SDK1: variants seen among roughly 807,000 people sequenced by gnomAD.
The protein encoded by SDK1 is sidekick cell adhesion molecule 1, also known as protein sidekick-1.
Under a neutral mutation model 245.5 loss-of-function variants are expected in SDK1, and 157 were observed. That is an observed-to-expected ratio of 0.64 (90% CI 0.56 to 0.73). The LOEUF (loss-of-function observed/expected upper bound fraction) is 0.73. Ranked by LOEUF, SDK1 falls within the 30% of genes least tolerant of loss-of-function variation. The pLI is 0.00. For synonymous variants in SDK1, 1,647 were observed against 1,278.5 expected (o/e 1.29, Z -6.15); for missense variants, 3,583 against 3,002.3 (o/e 1.19, Z -4.52).
chr7:4,132,357 G>A lies in SDK1; in HGVS notation c.4162G>A (p.Glu1388Lys), dbSNP rs746810705. The change falls in exon 28 of 45, where the codon GAA (glutamate) becomes AAA (lysine). Residue 1388 changes from glutamate to lysine, a missense_variant. Glu to Lys is a moderately conservative substitution (Grantham distance 56). Coordinates refer to ENST00000404826, the MANE Select transcript of SDK1 (RefSeq NM_152744.4). ...PGPPVRLVFP[E>K]VRLTSVRIVW... ...CCCACCAGTGAGGCTCGTGTTCCCC[G>A]AAGTGAGACTCACCTCCGTGCGGAT... 3.5e-5 allele frequency: 57 copies of A among 1,612,516 alleles called. No homozygotes were observed. Among genetic ancestry groups the A allele is most frequent in the Middle Eastern group, 1.6e-4 (1 of 6,078 alleles).
intron 14 of SDK1, among the ~76,000 whole-genome samples, chr7:4,004,069 T>G (rs1785277504): frequency 6.6e-6 from 1 of 152,252 alleles, no homozygotes; most frequent in Admixed American, 6.5e-5. Context: ...GAAGATCATT[T>G]TATCCCCCTC....
intron 14 of SDK1, 138 bp downstream of exon 14, chr7:3,987,460 C>T (rs1274804480): frequency 1.1e-6 from 1 of 890,018 alleles, no homozygotes; most frequent in Non-Finnish European, 1.7e-6. Flanking sequence ...GTTTCAAACA[C>T]AGCCTGCCCT....
chr7:3,698,477 A>G (rs1784639196), intron 4 of SDK1, among the ~76,000 whole-genome samples: 1 of 152,122 alleles, frequency 6.6e-6, no homozygotes. Flanking sequence ...GGATTTTCCC[A>G]TCTTCTCAGT....
At chr7:3,773,396 G>A (rs78221214) in intron 4 of SDK1, among the ~76,000 whole-genome samples, 4,166 of 150,724 alleles carry the variant, frequency 0.028, 192 homozygotes, top group African/African-American at 0.098. Context: ...TTCTTTTTTG[G>A]TTTTCTGTCT....
At chr7:4,242,120 C>G (rs1583159756) in intron 43 of SDK1, among the ~76,000 whole-genome samples, 1 of 152,166 alleles carries the variant, frequency 6.6e-6, no homozygotes, top group African/African-American at 2.4e-5. Context: ...GAAATATTTT[C>G]AGGACATCTC....
intron 35 of SDK1, among the ~76,000 whole-genome samples, chr7:4,201,247 T>G (rs1011350451): frequency 6.6e-6 from 1 of 152,184 alleles, no homozygotes; most frequent in South Asian, 2.1e-4. Flanking sequence ...ACCTCCTGAT[T>G]CATTGAGAAG....
At chr7:3,803,397 A>G (rs1779160961) in intron 4 of SDK1, among the ~76,000 whole-genome samples, 1 of 149,366 alleles carries the variant, frequency 6.7e-6, no homozygotes, top group Non-Finnish European at 1.5e-5. Flanking sequence ...TGCAACCTCC[A>G]CCTCTGAAAT....
At chr7:3,538,924 C>T (rs1468705823) in intron 1 of SDK1, among the ~76,000 whole-genome samples, 3 of 152,250 alleles carry the variant, frequency 2.0e-5, no homozygotes, top group Non-Finnish European at 2.9e-5. Context: ...ACGGAATCTT[C>T]TTGAAAGTTT....
At chr7:4,076,028 C>T (rs1780655371) in intron 20 of SDK1, among the ~76,000 whole-genome samples, 1 of 151,978 alleles carries the variant, frequency 6.6e-6, no homozygotes, top group Admixed American at 6.6e-5. Context: ...CCCCACTGGC[C>T]TGAAGAGAGT....
chr7:3,354,685 T>G (rs1425306296), intron 1 of SDK1, among the ~76,000 whole-genome samples: 2 of 152,240 alleles, frequency 1.3e-5, no homozygotes, highest in African/African-American at 4.8e-5. Flanking sequence ...AATATTGACT[T>G]TATAGGTCTT....
chr7:3,850,561 T>C (rs1305707239), intron 5 of SDK1, among the ~76,000 whole-genome samples: 1 of 152,180 alleles, frequency 6.6e-6, no homozygotes, highest in African/African-American at 2.4e-5. Context: ...TGCACACGTA[T>C]GTTTATTGCA....
chr7:3,332,511 G>A (rs1185721426), intron 1 of SDK1, among the ~76,000 whole-genome samples: 1 of 152,148 alleles, frequency 6.6e-6, no homozygotes, highest in Non-Finnish European at 1.5e-5. Context: ...CGAAGTCAGA[G>A]TCATTATAAA....
chr7:4,018,434 G>A (rs182431404), intron 17 of SDK1, among the ~76,000 whole-genome samples: 3 of 152,270 alleles, frequency 2.0e-5, no homozygotes, highest in South Asian at 2.1e-4. Context: ...CCTGCACAGC[G>A]ACTAGAAGAA....
At chr7:3,502,849 A>T (rs951978248) in intron 1 of SDK1, among the ~76,000 whole-genome samples, 1 of 152,102 alleles carries the variant, frequency 6.6e-6, no homozygotes, top group African/African-American at 2.4e-5. Flanking sequence ...AATGACCTTG[A>T]GCAAATTGTT....
chr7:3,329,954 T>A (rs1780028411), intron 1 of SDK1, among the ~76,000 whole-genome samples: 1 of 152,228 alleles, frequency 6.6e-6, no homozygotes, highest in Non-Finnish European at 1.5e-5. Flanking sequence ...ATCAGCTACT[T>A]GAGCATTCAT....
chr7:4,246,171 C>T (rs1786845480), intron 44 of SDK1, among the ~76,000 whole-genome samples: 1 of 152,162 alleles, frequency 6.6e-6, no homozygotes, highest in Non-Finnish European at 1.5e-5. Flanking sequence ...ACTCCTAAGT[C>T]CCAGAGACTG....
chr7:3,996,245 A>G (rs1784690690), intron 14 of SDK1, among the ~76,000 whole-genome samples: 2 of 152,036 alleles, frequency 1.3e-5, no homozygotes, highest in African/African-American at 4.8e-5. Context: ...AGTTCCATTG[A>G]TTCATTATCT....
chr7:3,353,674 T>C (rs151317734), intron 1 of SDK1, among the ~76,000 whole-genome samples: 11 of 152,322 alleles, frequency 7.2e-5, no homozygotes, highest in Admixed American at 2.0e-4. Context: ...AGGGATGATA[T>C]TTCCCCTGTC....
intron 22 of SDK1, among the ~76,000 whole-genome samples, chr7:4,085,405 C>T (rs1263154160): frequency 6.6e-6 from 1 of 152,160 alleles, no homozygotes; most frequent in Non-Finnish European, 1.5e-5. Flanking sequence ...TTACAGTATA[C>T]AAGTACAGTT....
Sources: allele counts gnomAD v4.1 joint callset (sites outside exome capture counted in the v4.1 genomes callset), GRCh38; gene constraint gnomAD v4.1.1; transcripts MANE v1.5; gene names NCBI Gene and HGNC (gene_info 2026-07-23, HGNC 2026-07-21).